The following GTF2A1 variants were observed in gnomAD, a reference collection of about 807,000 sequenced individuals.
The protein encoded by GTF2A1 is transcription initiation factor IIA subunit 1.
In GTF2A1, 12 loss-of-function variants were observed where a neutral mutation model predicts 54.1. That is an observed-to-expected ratio of 0.22 (90% CI 0.14 to 0.36). The LOEUF (loss-of-function observed/expected upper bound fraction) is 0.36, where lower values mean the gene tolerates loss of function less well. Among genes scored for constraint, GTF2A1 ranks in the 10% least tolerant of loss-of-function variants. The pLI, the probability that GTF2A1 is intolerant of heterozygous loss-of-function variation, is 1.00. For synonymous variants in GTF2A1, 145 were observed against 152.0 expected (o/e 0.95, Z 0.34); for missense variants, 335 against 442.2 (o/e 0.76, Z 2.17).
At chr14:81,191,815 AT>A (rs1273133630) in intron 7 of GTF2A1, among the ~76,000 whole-genome samples, 1 of 152,202 alleles carries the variant, frequency 6.6e-6, no homozygotes, top group Non-Finnish European at 1.5e-5. Flanking sequence ...TCTATTCAAT[AT>A]TCAATAATAA....
chr14:81,205,104 GTTTCTTTATTTTTTTATTTTT>G (rs1319984786), intron 2 of GTF2A1, among the ~76,000 whole-genome samples: 1 of 151,918 alleles, frequency 6.6e-6, no homozygotes, highest in Non-Finnish European at 1.5e-5. Context: ...CTCACAGAGA[GTTTCTTTATTTTTTTATTTTT>G]TTTTTTAATT....
intron 2 of GTF2A1, among the ~76,000 whole-genome samples, chr14:81,207,155 C>G (rs1035633484): frequency 5.5e-5 from 8 of 144,264 alleles, no homozygotes; most frequent in African/African-American, 1.7e-4. Flanking sequence ...ACCTACCTAC[C>G]TACCTACCTA....
In GTF2A1 at chr14:81,211,873, CTTTATA is replaced by C. The variant is rs1372639045; in HGVS notation, c.132+4534_132+4539del. Among the ~76,000 whole-genome samples, 841 of 99,228 alleles carry C rather than the reference CTTTATA, an allele frequency of 8.5e-3. 36 individuals carry two copies. The highest frequency in any genetic ancestry group is 0.013 in the Middle Eastern group (3 of 230). 65.1% of individuals were successfully genotyped at this position (99,228 alleles called of 152,430 possible). On this transcript the variant is annotated intron_variant, in intron 2 of 8. Transcript: ENST00000553612. Reference sequence around the variant, plus strand: ...ACACATAATTAGAGTGTATCAAGTACTTTATATATATATATATATATATATATATAT... The same window carrying C: ...ACACATAATTAGAGTGTATCAAGTACTATATATATATATATATATATATAT...
intron 1 of GTF2A1, among the ~76,000 whole-genome samples, chr14:81,216,920 C>T (rs998808749): frequency 1.6e-4 from 25 of 152,084 alleles, no homozygotes; most frequent in African/African-American, 5.6e-4. Context: ...ATCTTATGTC[C>T]GGGAGTCATC....
At position 81,208,663 on chromosome 14, in the gene GTF2A1, G is replaced by A. The variant is rs748110633; in HGVS notation, c.133-4559C>T. Reference sequence around the variant, plus strand: ...GTGAGTGCAGCTGGAAGCAACCCACGAAAGCAGCTGGAAGCAAGACTGTAC... The same window carrying A: ...GTGAGTGCAGCTGGAAGCAACCCACAAAAGCAGCTGGAAGCAAGACTGTAC... On this transcript the variant is annotated intron_variant, in intron 2 of 8. Transcript: ENST00000553612. Among the ~76,000 whole-genome samples, 3 of 152,202 alleles carry A rather than the reference G, an allele frequency of 2.0e-5. No homozygotes were observed. In the South Asian group the frequency reaches 6.2e-4, roughly 31 times the overall value.
chr14:81,182,147 A>G (rs1892652785), intron 8 of GTF2A1, among the ~76,000 whole-genome samples: 1 of 151,890 alleles, frequency 6.6e-6, no homozygotes, highest in South Asian at 2.1e-4. Flanking sequence ...TTATTTGGAA[A>G]CTACTCTCAT....
intron 7 of GTF2A1, among the ~76,000 whole-genome samples, chr14:81,190,420 A>G (rs1674257094): frequency 6.6e-6 from 1 of 152,148 alleles, no homozygotes; most frequent in Non-Finnish European, 1.5e-5. Context: ...TCCTCAACAA[A>G]ATGAATTCAG....
intron 8 of GTF2A1, among the ~76,000 whole-genome samples, chr14:81,182,097 A>G (rs917352299): frequency 2.6e-5 from 4 of 151,500 alleles, no homozygotes; most frequent in African/African-American, 7.3e-5. Flanking sequence ...GCTTTTTGAG[A>G]CTTAAAAAAA....
intron 3 of GTF2A1, 51 bp from the exon 4 acceptor site, chr14:81,201,709 T>C: frequency 2.4e-6 from 3 of 1,238,132 alleles, no homozygotes; most frequent in Non-Finnish European, 3.6e-6. Context: ...GGCTATTTTA[T>C]AATCACAAGA....
chr14:81,201,681 G>A, intron 3 of GTF2A1, 23 bp from the exon 4 acceptor site: 1 of 1,556,620 alleles, frequency 6.4e-7, no homozygotes. Context: ...AAGCGAACAT[G>A]CAAACAAGGA....
intron 4 of GTF2A1, among the ~76,000 whole-genome samples, chr14:81,199,341 T>C: frequency 6.6e-6 from 1 of 152,154 alleles, no homozygotes; most frequent in Non-Finnish European, 1.5e-5. Flanking sequence ...TAAAATTTCT[T>C]CTTGTATTCC....
intron 3 of GTF2A1, 90 bp from the exon 4 acceptor site, chr14:81,201,748 T>G: frequency 1.3e-6 from 1 of 772,506 alleles, no homozygotes; most frequent in South Asian, 1.6e-5. Context: ...TGAAAACTTT[T>G]TTCATGTTTT....
intron 1 of GTF2A1, among the ~76,000 whole-genome samples, chr14:81,217,865 A>G (rs1003787044): frequency 6.6e-6 from 1 of 152,182 alleles, no homozygotes; most frequent in Non-Finnish European, 1.5e-5. Context: ...AATCCTTCTC[A>G]TTACAAGAAA....
chr14:81,198,583 G>A (rs529186607), intron 4 of GTF2A1, among the ~76,000 whole-genome samples: 10 of 152,180 alleles, frequency 6.6e-5, no homozygotes, highest in East Asian at 1.9e-4. Flanking sequence ...CTGTCCTCCC[G>A]CAAAGAATTA....
intron 1 of GTF2A1, among the ~76,000 whole-genome samples, chr14:81,219,817 T>G (rs912423804): frequency 3.3e-5 from 5 of 152,192 alleles, no homozygotes; most frequent in Admixed American, 6.5e-5. Context: ...TGCAGGCTTT[T>G]TTTGTTTGTT....
chr14:81,202,823 G>C, intron 3 of GTF2A1: 1 of 507,338 alleles, frequency 2.0e-6, no homozygotes, highest in Non-Finnish European at 3.9e-6. Context: ...GCAACAGGAA[G>C]AACAGTCATC....
intron 6 of GTF2A1, among the ~76,000 whole-genome samples, chr14:81,193,560 T>C (rs1004201045): frequency 1.3e-5 from 2 of 152,222 alleles, no homozygotes; most frequent in African/African-American, 2.4e-5. Flanking sequence ...CTAGGCTTAA[T>C]GGTTCTCAAT....
In GTF2A1 at chr14:81,175,983, A is replaced by ATC. The variant is rs1409818719; in HGVS notation, c.*4238_*4239dup. ...ACACAGTTTACTAATTCAAATTGAC[A>ATC]TCTCAATCTACTTATCTTTAAGGTA... On this transcript the variant is annotated 3_prime_UTR_variant, in exon 9 of 9. Transcript: ENST00000553612. 6.6e-6 allele frequency: 1 copy of ATC among 152,176 alleles called. No individual in the cohort carries two copies. Among genetic ancestry groups the ATC allele is most frequent in the Non-Finnish European group, 1.5e-5 (1 of 68,006 alleles). 9.4% of individuals were successfully genotyped at this position (152,176 alleles called of 1,614,324 possible). A position where few individuals can be genotyped will look rare whatever the true frequency, so the allele number is the denominator to read the frequency against.
At chr14:81,199,114 A>T (rs1376219771) in intron 4 of GTF2A1, among the ~76,000 whole-genome samples, 1 of 152,240 alleles carries the variant, frequency 6.6e-6, no homozygotes, top group East Asian at 1.9e-4. Flanking sequence ...AGAAATATTT[A>T]AAAAGAAAAA....
Sources: gnomAD v4.1 joint callset for allele counts (sites outside exome capture counted in the v4.1 genomes callset) on GRCh38, gnomAD v4.1.1 for gene constraint, MANE v1.5 for transcripts, NCBI Gene and HGNC (gene_info 2026-07-23, HGNC 2026-07-21) for gene names.